Variants in COBLL1 observed in about 807,000 individuals in gnomAD.
COBLL1 encodes the protein cordon-bleu WH2 repeat protein like 1.
A neutral mutation model predicts 94.8 loss-of-function variants in COBLL1; 50 were observed. The ratio of observed to expected loss-of-function variants is 0.53; its 90% CI spans 0.42 to 0.67. The LOEUF (loss-of-function observed/expected upper bound fraction) is 0.67. COBLL1 is among the 30% of genes least tolerant of loss of function. COBLL1 has a pLI of 0.00. For missense variants in COBLL1, 1,362 were observed against 1,348.7 expected (o/e 1.01, Z -0.15); for synonymous variants, 448 against 473.8 (o/e 0.95, Z 0.71).
At chr2:164,773,020 G>T (rs1268510828) in intron 2 of COBLL1, among the ~76,000 whole-genome samples, 1 of 93,186 alleles carries the variant, frequency 1.1e-5, no homozygotes, top group African/African-American at 5.7e-5. Flanking sequence ...TGTGCTAAAG[G>T]ATTCTTTATT....
At chr2:164,718,154 G>A (rs781641421) in intron 7 of COBLL1, 5 of 545,840 alleles carry the variant, frequency 9.2e-6, no homozygotes, top group Non-Finnish European at 1.2e-5. Flanking sequence ...ACTATACCTG[G>A]CTATGAAAGC....
Position 164,819,644 on chromosome 2 carries a change from T to C in COBLL1, c.41+21512A>G, listed in dbSNP as rs1685059559. On this transcript the variant is annotated intron_variant, in intron 2 of 13. Coordinates refer to ENST00000652658, the MANE Select transcript of COBLL1 (RefSeq NM_001365672.2). Reference sequence around the variant, plus strand: ...TTTCAGGTAGGGAAAGAAACAATTGTTCAGAAACTTGTTTTACTGTTTATA... The same window carrying C: ...TTTCAGGTAGGGAAAGAAACAATTGCTCAGAAACTTGTTTTACTGTTTATA... Among the ~76,000 whole-genome samples the C allele has an allele frequency of 3.3e-5, 5 of 152,254 alleles. No individual in the cohort carries two copies. In the South Asian group the frequency reaches 1.0e-3, roughly 32 times the overall value.
At chr2:164,790,421 G>A (rs1394907341) in intron 2 of COBLL1, among the ~76,000 whole-genome samples, 1 of 152,098 alleles carries the variant, frequency 6.6e-6, no homozygotes, top group Non-Finnish European at 1.5e-5. Context: ...TTAAATGTAT[G>A]TATAGCTCAC....
upstream of COBLL1, chr2:164,841,843 C>T: frequency 1.4e-6 from 1 of 727,774 alleles, no homozygotes; most frequent in Non-Finnish European, 2.2e-6. The surrounding 1 kb of genome is among the most constrained non-coding windows in gnomAD (Gnocchi z 5.5). Context: ...GCAACCCCTG[C>T]GAGGCTCAGC....
intron 3 of COBLL1, 94 bp downstream of exon 3, chr2:164,743,593 T>C (rs1273012225): frequency 9.8e-7 from 1 of 1,017,230 alleles, no homozygotes; most frequent in African/African-American, 1.6e-5. Context: ...ATGAAGTGTT[T>C]TGTCAAAGAA....
chr2:164,669,927 G>A (rs1312010568), intron 1 of COBLL1, among the ~76,000 whole-genome samples: 2 of 152,172 alleles, frequency 1.3e-5, no homozygotes, highest in Admixed American at 1.3e-4. Context: ...TGTTACGTGA[G>A]AAACCTGACT....
chr2:164,803,566 A>AAAAAT (rs1553480199), intron 2 of COBLL1, among the ~76,000 whole-genome samples: 5 of 134,646 alleles, frequency 3.7e-5, no homozygotes, highest in East Asian at 2.0e-4. Flanking sequence ...CTCTGTCTCA[A>AAAAAT]AAATAAATAA....
intron 2 of COBLL1, among the ~76,000 whole-genome samples, chr2:164,827,303 T>C (rs1276177634): frequency 3.9e-5 from 6 of 152,288 alleles, no homozygotes; most frequent in South Asian, 4.1e-4. Context: ...TCATCTTATA[T>C]GGGAATAATG....
At chr2:164,708,375 C>T (rs1030467032) in intron 7 of COBLL1, among the ~76,000 whole-genome samples, 4 of 152,074 alleles carry the variant, frequency 2.6e-5, no homozygotes, top group African/African-American at 9.7e-5. Context: ...GGTGGATTCT[C>T]AATGGATGTT....
At chr2:164,709,546 C>T (rs78522343) in intron 7 of COBLL1, among the ~76,000 whole-genome samples, 32 of 152,150 alleles carry the variant, frequency 2.1e-4, no homozygotes, top group African/African-American at 7.0e-4. Flanking sequence ...GGTGAAACCC[C>T]GTCTCTACTA....
chr2:164,732,755 A>AT (rs1400230782), intron 3 of COBLL1, among the ~76,000 whole-genome samples: 1 of 152,222 alleles, frequency 6.6e-6, no homozygotes, highest in East Asian at 1.9e-4. Context: ...CCAGAAATAC[A>AT]TAAGTTAACA....
At chr2:164,664,387 T>A (rs572002000) in intron 2 of COBLL1, among the ~76,000 whole-genome samples, 1 of 152,252 alleles carries the variant, frequency 6.6e-6, no homozygotes, top group Non-Finnish European at 1.5e-5. Context: ...ATTAGAGTCA[T>A]TGCCTATATT....
chr2:164,713,536 A>C (rs1685014633), intron 7 of COBLL1, among the ~76,000 whole-genome samples: 1 of 152,294 alleles, frequency 6.6e-6, no homozygotes, highest in Admixed American at 6.5e-5. Flanking sequence ...GGTTAATAAA[A>C]TTAAACCCAT....
chr2:164,728,919 A>T (rs1419946543), intron 4 of COBLL1, among the ~76,000 whole-genome samples: 1 of 152,058 alleles, frequency 6.6e-6, no homozygotes, highest in Non-Finnish European at 1.5e-5. Flanking sequence ...ACTTAGCAAC[A>T]TGAGACCATA....
intron 2 of COBLL1, among the ~76,000 whole-genome samples, chr2:164,753,900 C>T (rs1012861367): frequency 6.6e-6 from 1 of 151,918 alleles, no homozygotes; most frequent in Admixed American, 6.6e-5. Context: ...CATTACCATG[C>T]CCAGCTAATT....
chr2:164,835,504 G>A (rs1160015992), intron 2 of COBLL1, among the ~76,000 whole-genome samples: 1 of 152,180 alleles, frequency 6.6e-6, no homozygotes, highest in Non-Finnish European at 1.5e-5. Context: ...GTGGAATGGG[G>A]AAGTTATTGT....
chr2:164,828,948 C>T (rs1682921761), intron 2 of COBLL1, among the ~76,000 whole-genome samples: 1 of 152,150 alleles, frequency 6.6e-6, no homozygotes, highest in African/African-American at 2.4e-5. Context: ...GAACTCATAA[C>T]ACTGATTGCC....
In COBLL1 at chr2:164,743,877, T is replaced by C. The variant is rs1278951832; in HGVS notation, c.42-2A>G. ...GGTGCCTTGGCTTTTGGTTTTCTCC[T>C]AAAATATAAAGAAAACACAAAAAAT... is the stretch of plus-strand genomic sequence containing the variant. On this transcript the variant is annotated splice_acceptor_variant, in intron 2 of 13. Transcript: ENST00000652658. LOFTEE classifies it high-confidence loss of function. The C allele has an allele frequency of 6.6e-7, 1 of 1,525,316 alleles. No homozygotes were observed. Among genetic ancestry groups the C allele is most frequent in the Non-Finnish European group, 8.8e-7 (1 of 1,135,830 alleles). 94.5% of individuals were successfully genotyped at this position (1,525,316 alleles called of 1,614,324 possible).
intron 2 of COBLL1, among the ~76,000 whole-genome samples, chr2:164,817,380 AAG>A: frequency 7.0e-6 from 1 of 143,782 alleles, no homozygotes; most frequent in African/African-American, 2.7e-5. Context: ...AAAAAAAAAG[AAG>A]AAGAAGAAGG....
Sources: gnomAD v4.1 joint callset for allele counts (sites outside exome capture counted in the v4.1 genomes callset) on GRCh38, gnomAD v4.1.1 for gene constraint, Gnocchi (gnomAD v3.1) non-coding constraint, MANE v1.5 for transcripts, NCBI Gene and HGNC (gene_info 2026-07-23, HGNC 2026-07-21) for gene names.